Variants in RGS6 observed in about 807,000 individuals in gnomAD.
The protein encoded by RGS6 is regulator of G protein signaling 6.
In RGS6, 30 loss-of-function variants were observed where a neutral mutation model predicts 78.5. That is an observed-to-expected ratio of 0.38 (90% CI 0.29 to 0.52). The LOEUF (loss-of-function observed/expected upper bound fraction) is 0.52, where lower values mean the gene tolerates loss of function less well. Among genes scored for constraint, RGS6 ranks in the 20% least tolerant of loss-of-function variants. The probability of loss-of-function intolerance (pLI) is 0.85; values close to 1 mark genes in which losing one functional copy is unlikely to be tolerated. For missense variants in RGS6, 495 were observed against 609.7 expected, an observed-to-expected ratio of 0.81 and a Z score of 1.98; for synonymous variants, 206 against 206.0, an observed-to-expected ratio of 1.00 and a Z score of 0.00.
intron 2 of RGS6, among the ~76,000 whole-genome samples, chr14:72,297,328 T>C (rs1264594038): frequency 1.3e-5 from 2 of 151,988 alleles, no homozygotes; most frequent in East Asian, 1.9e-4. Context: ...GAAATTTTAA[T>C]TGAGATCTAT....
At chr14:72,238,112 T>G (rs2051647879) in intron 2 of RGS6, among the ~76,000 whole-genome samples, 1 of 152,162 alleles carries the variant, frequency 6.6e-6, no homozygotes, top group African/African-American at 2.4e-5. Flanking sequence ...GTGCTCTATC[T>G]CTGAAGCTTG....
At chr14:72,545,234 T>C (rs2153519539) in intron 17 of RGS6, among the ~76,000 whole-genome samples, 1 of 152,334 alleles carries the variant, frequency 6.6e-6, no homozygotes, top group African/African-American at 2.4e-5. Context: ...GCCTCTCCCA[T>C]CTCAGAGCAC....
At chr14:71,904,330 T>G in the RGS6 span, among the ~76,000 whole-genome samples, 3 of 152,212 alleles carry the variant, frequency 2.0e-5, no homozygotes, top group Non-Finnish European at 4.4e-5. Context: ...CAGGGATTGA[T>G]TTAGAAGTGG....
intron 2 of RGS6, among the ~76,000 whole-genome samples, chr14:72,310,067 G>A (rs968925717): frequency 2.6e-5 from 4 of 152,052 alleles, no homozygotes; most frequent in Non-Finnish European, 5.9e-5. Context: ...TTTCCTCTCC[G>A]CCAGCTCTTC....
At chr14:72,293,475 TC>T (rs936844473) in intron 2 of RGS6, among the ~76,000 whole-genome samples, 2 of 151,784 alleles carry the variant, frequency 1.3e-5, no homozygotes, top group South Asian at 2.1e-4. Flanking sequence ...CTCCCTCTCT[TC>T]CCCCCTCCCC....
chr14:72,411,508 G>C (rs1252339868), intron 3 of RGS6, among the ~76,000 whole-genome samples: 1 of 152,186 alleles, frequency 6.6e-6, no homozygotes, highest in Non-Finnish European at 1.5e-5. Flanking sequence ...CATGTCATCT[G>C]CAAACAGGGA....
chr14:72,407,854 A>G (rs2093062318), intron 3 of RGS6, among the ~76,000 whole-genome samples: 1 of 152,168 alleles, frequency 6.6e-6, no homozygotes, highest in African/African-American at 2.4e-5. Context: ...TTTTACTTTT[A>G]TTCTAACATT....
intron 2 of RGS6, among the ~76,000 whole-genome samples, chr14:72,138,926 T>C (rs1392639164): frequency 2.0e-5 from 3 of 152,146 alleles, no homozygotes; most frequent in Non-Finnish European, 2.9e-5. Context: ...TATGTAATGA[T>C]AATAAAGCGT....
intron 17 of RGS6, among the ~76,000 whole-genome samples, chr14:72,554,755 A>G (rs1159403972): frequency 6.6e-6 from 1 of 152,240 alleles, no homozygotes; most frequent in Non-Finnish European, 1.5e-5. Context: ...GAGAGAAGAG[A>G]GAGCTGGTGT....
At chr14:72,245,538 G>A (rs1423297005) in intron 2 of RGS6, among the ~76,000 whole-genome samples, 2 of 152,240 alleles carry the variant, frequency 1.3e-5, no homozygotes, top group East Asian at 3.8e-4. Context: ...TTTGTTTGTG[G>A]CTTGAGAATG....
At chr14:72,613,011 T>C in the RGS6 span, among the ~76,000 whole-genome samples, 191 of 151,680 alleles carry the variant, frequency 1.3e-3, no homozygotes, top group African/African-American at 4.4e-3. Flanking sequence ...TGTGTGTGTG[T>C]GTGTGTGTGT....
At chr14:72,592,389 G>A in the RGS6 span, among the ~76,000 whole-genome samples, 1 of 152,218 alleles carries the variant, frequency 6.6e-6, no homozygotes, top group African/African-American at 2.4e-5. Context: ...AACATTCCAT[G>A]GCTGTTCCTA....
At chr14:72,432,776 G>A (rs181380914) in intron 3 of RGS6, among the ~76,000 whole-genome samples, 1 of 152,242 alleles carries the variant, frequency 6.6e-6, no homozygotes, top group African/African-American at 2.4e-5. Flanking sequence ...TACCCTTTTG[G>A]TTGTTGTTTA....
intron 2 of RGS6, among the ~76,000 whole-genome samples, chr14:72,232,602 C>G (rs2049937970): frequency 6.6e-6 from 1 of 152,114 alleles, no homozygotes; most frequent in Admixed American, 6.5e-5. Context: ...GCAGCCACTG[C>G]CTGGAAGGTC....
intron 1 of RGS6, among the ~76,000 whole-genome samples, chr14:71,951,777 C>T (rs1352091928): frequency 6.6e-6 from 1 of 152,100 alleles, no homozygotes; most frequent in African/African-American, 2.4e-5. Flanking sequence ...TCACGTCTGT[C>T]AGCATTTTTG....
In RGS6 at chr14:72,216,672, G is replaced by T. The variant is rs117192247; in HGVS notation, c.85-135423G>T. ...GCTCAAAATGACACTTCCTGCCTGGGAACAGTTCTGGCGAAATAATGAACC... is the reference window on the plus strand; with the variant it reads ...GCTCAAAATGACACTTCCTGCCTGGTAACAGTTCTGGCGAAATAATGAACC... On this transcript the variant is annotated intron_variant, in intron 2 of 17. Coordinates refer to ENST00000553525, the MANE Select transcript of RGS6 (RefSeq NM_001204424.2). 2.8e-4 allele frequency among the ~76,000 whole-genome samples: 42 copies of T among 152,300 alleles called. 1 individual carries two copies. In the East Asian group the frequency reaches 7.3e-3, roughly 27 times the overall value.
chr14:71,883,297 C>T, the RGS6 span, among the ~76,000 whole-genome samples: 1 of 152,172 alleles, frequency 6.6e-6, no homozygotes, highest in Non-Finnish European at 1.5e-5. Flanking sequence ...CCTCTGTGCA[C>T]CCACTGTAAT....
rs549820078 is a variant in RGS6 at position 72,308,183 on chromosome 14, C to T, written c.85-43912C>T. ...TTTCTCTTGTTTATTTTGGGTTGGC[C>T]TTCAGAACGATGCTGAGTAAAGGAT... On this transcript the variant is annotated intron_variant, in intron 2 of 17. Coordinates refer to ENST00000553525, the MANE Select transcript of RGS6 (RefSeq NM_001204424.2). 5.9e-5 allele frequency among the ~76,000 whole-genome samples: 9 copies of T among 152,144 alleles called. No individual in the cohort carries two copies. The South Asian group carries it at 1.9e-3, about 32-fold the overall frequency.
intron 2 of RGS6, among the ~76,000 whole-genome samples, chr14:72,283,419 G>A (rs2061923646): frequency 6.6e-6 from 1 of 152,182 alleles, no homozygotes; most frequent in Non-Finnish European, 1.5e-5. Context: ...CACAAGTAGT[G>A]GGAGGGACCC....
Sources: allele counts gnomAD v4.1 joint callset (sites outside exome capture counted in the v4.1 genomes callset), GRCh38; gene constraint gnomAD v4.1.1; transcripts MANE v1.5; gene names NCBI Gene and HGNC (gene_info 2026-07-23, HGNC 2026-07-21).